Variants in PIGG observed in about 807,000 individuals in gnomAD.
The protein encoded by PIGG is phosphatidylinositol glycan anchor biosynthesis class G (EMM blood group).
A neutral mutation model predicts 83.2 loss-of-function variants in PIGG; 70 were observed. The ratio of observed to expected loss-of-function variants is 0.84; its 90% CI spans 0.69 to 1.03. PIGG has a LOEUF of 1.03. PIGG is among the 50% of genes least tolerant of loss of function. The pLI is 0.00. For missense variants in PIGG, 1,257 were observed against 1,233.6 expected, an observed-to-expected ratio of 1.02 and a Z score of -0.28; for synonymous variants, 532 against 519.5, an observed-to-expected ratio of 1.02 and a Z score of -0.33.
Position 539,479 on chromosome 4 carries a change from C to G in PIGG, c.*110C>G, listed in dbSNP as rs533680425. 6.4e-5 allele frequency: 42 copies of G among 659,346 alleles called. No individual in the cohort carries two copies. In the South Asian group the frequency reaches 7.5e-4, roughly 12 times the overall value. The allele number at this position is 659,346 out of a possible 1,614,324, so 40.8% of individuals were successfully genotyped here. A position where few individuals can be genotyped will look rare whatever the true frequency, so the allele number is the denominator to read the frequency against. ...GGATAACTTTCTTTGACTGCTCTAC[C>G]TGAATTTAGACTAAGCAGTAAATAG... On this transcript the variant is annotated 3_prime_UTR_variant, in exon 13 of 13. Coordinates refer to ENST00000453061, the MANE Select transcript of PIGG (RefSeq NM_001127178.3).
intron 1 of PIGG, chr4:499,854 G>A: frequency 2.3e-6 from 1 of 439,056 alleles, no homozygotes. Flanking sequence ...GCACACAACA[G>A]ATAAGACCCC....
intron 6 of PIGG, among the ~76,000 whole-genome samples, chr4:519,157 C>T (rs1043141328): frequency 6.6e-6 from 1 of 152,212 alleles, no homozygotes. Context: ...CTTTTCCTTC[C>T]TGGGAAACTT....
In PIGG at chr4:509,015, G is replaced by C. The variant is rs377155215; in HGVS notation, c.901+45G>C. On this transcript the variant is annotated intron_variant, in intron 5 of 12. Transcript: ENST00000453061. ...AACAGTTGGAAATTGTATTACATTT[G>C]TTTTCTATAGTCTGGTTTTAATTTT... is the stretch of plus-strand genomic sequence containing the variant. The C allele has an allele frequency of 3.9e-6, 6 of 1,532,628 alleles. No homozygotes were observed. In the African/African-American group the frequency reaches 8.2e-5, roughly 21 times the overall value. 94.9% of individuals were successfully genotyped at this position (1,532,628 alleles called of 1,614,324 possible).
chr4:518,437 CA>C (rs1388881645), intron 6 of PIGG, among the ~76,000 whole-genome samples: 1 of 151,888 alleles, frequency 6.6e-6, no homozygotes, highest in African/African-American at 2.4e-5. Context: ...ACTAAAAATA[CA>C]AAAAATTAGT....
At chr4:500,993 C>T (rs921058848) in intron 2 of PIGG, 6 of 393,934 alleles carry the variant, frequency 1.5e-5, no homozygotes, top group Non-Finnish European at 3.0e-5. Context: ...AAAGCAAACT[C>T]AGATAAGTTA....
intron 5 of PIGG, among the ~76,000 whole-genome samples, chr4:512,038 G>A (rs1359489734): frequency 6.6e-6 from 1 of 152,014 alleles, no homozygotes; most frequent in Non-Finnish European, 1.5e-5. Context: ...TACTCAACTT[G>A]GAGTTCATTG....
At chr4:509,894 C>A (rs1721294687) in intron 5 of PIGG, among the ~76,000 whole-genome samples, 1 of 152,188 alleles carries the variant, frequency 6.6e-6, no homozygotes, top group African/African-American at 2.4e-5. Context: ...TTTGTCATTG[C>A]AGACTTATTG....
chr4:501,509 C>T lies in PIGG; in HGVS notation c.360+908C>T, dbSNP rs527585509. On this transcript the variant is annotated intron_variant, in intron 2 of 12. Transcript: ENST00000453061. ...ATCGCATGTGAGCGTGGCATAAAGT[C>T]TCTGACGGAGCCTTAGCTGTGTTGT... is the stretch of plus-strand genomic sequence containing the variant. 9 of 183,396 alleles carry T rather than the reference C, an allele frequency of 4.9e-5. No homozygotes were observed. In the South Asian group the frequency reaches 7.9e-4, roughly 16 times the overall value. The allele number at this position is 183,396 out of a possible 1,614,324, so 11.4% of individuals were successfully genotyped here.
chr4:539,655 G>A lies in PIGG; in HGVS notation c.*286G>A, dbSNP rs78564001. ...TAAATCAATGAATGAAAAGGTTCTG[G>A]ACTTTGTTAGAGTCCAGGAGCTCTG... On this transcript the variant is annotated 3_prime_UTR_variant, in exon 13 of 13. Transcript: ENST00000453061. 788 of 305,322 alleles carry A rather than the reference G, an allele frequency of 2.6e-3. 9 individuals carry two copies. The highest frequency in any genetic ancestry group is 0.016 in the African/African-American group (749 of 46,002). The allele number at this position is 305,322 out of a possible 1,614,324, so 18.9% of individuals were successfully genotyped here. A position where few individuals can be genotyped will look rare whatever the true frequency, so the allele number is the denominator to read the frequency against.
At chr4:522,130 C>T (rs1726144324) in intron 8 of PIGG, 189 bp downstream of exon 8, 12 of 654,224 alleles carry the variant, frequency 1.8e-5, no homozygotes, top group East Asian at 8.1e-5. Context: ...CTGGGTGTCC[C>T]GACACAGGTG....
intron 5 of PIGG, among the ~76,000 whole-genome samples, 198 bp downstream of exon 5, chr4:509,168 T>G (rs1212444830): frequency 1.3e-5 from 2 of 152,344 alleles, no homozygotes; most frequent in African/African-American, 2.4e-5. Context: ...AATACAGTTA[T>G]TCTTTGTCAG....
chr4:524,359 G>T (rs1384027904), intron 9 of PIGG, among the ~76,000 whole-genome samples: 1 of 152,214 alleles, frequency 6.6e-6, no homozygotes, highest in Non-Finnish European at 1.5e-5. Flanking sequence ...CACATGTAAG[G>T]AAAGAGGTTC....
intron 12 of PIGG, among the ~76,000 whole-genome samples, chr4:534,717 C>T (rs1326291259): frequency 6.6e-6 from 1 of 152,150 alleles, no homozygotes; most frequent in Non-Finnish European, 1.5e-5. Flanking sequence ...CCGGGGGGAC[C>T]CCAGATCAAG....
chr4:521,149 A>G lies in PIGG; in HGVS notation c.1208A>G (p.Asn403Ser), dbSNP rs139826164. 8.7e-6 allele frequency: 14 copies of G among 1,614,004 alleles called. No homozygotes were observed. Among genetic ancestry groups the G allele is most frequent in the African/African-American group, 1.3e-5 (1 of 74,924 alleles). The part of the protein sequence containing the change: ...LEEKHSEVLF[N>S]LGSKVLRQYL... ...GAAAAGCATTCAGAAGTCCTATTCA[A>G]CCTGGGCTCCAAGGTTCTCAGGCAG... The change falls in exon 7 of 13, where the codon AAC (asparagine) becomes AGC (serine). Residue 403 changes from asparagine (N) to serine (S), a missense_variant. By Grantham distance (46) the Asn-to-Ser change is conservative. Coordinates refer to ENST00000453061, the MANE Select transcript of PIGG (RefSeq NM_001127178.3).
intron 12 of PIGG, chr4:537,142 C>T (rs1730862377): frequency 6.6e-6 from 1 of 152,116 alleles, no homozygotes; most frequent in Non-Finnish European, 1.5e-5. Flanking sequence ...TTTAAAGCAT[C>T]AAGTTTTACT....
chr4:538,331 A>C (rs1412769040), intron 12 of PIGG, among the ~76,000 whole-genome samples: 2 of 152,192 alleles, frequency 1.3e-5, no homozygotes, highest in Admixed American at 6.5e-5. Flanking sequence ...TAGGGGGTAC[A>C]TTAACATACT....
intron 11 of PIGG, chr4:532,734 CAGTTCT>C: frequency 6.6e-6 from 1 of 152,398 alleles, no homozygotes; most frequent in Non-Finnish European, 1.5e-5. Flanking sequence ...TGGACATGAA[CAGTTCT>C]GGTTCTGGAG....
chr4:527,887 T>A (rs1341159491), intron 10 of PIGG: 4 of 985,302 alleles, frequency 4.1e-6, no homozygotes, highest in Non-Finnish European at 3.6e-6. Context: ...TGGGTGACCC[T>A]CTATTTAAAT....
In PIGG at chr4:539,161, C is replaced by T; in HGVS notation, c.2744C>T (p.Ala915Val). The change falls in exon 13 of 13, where the codon GCA (alanine) becomes GTA (valine). Residue 915 changes from alanine (A) to valine (V), a missense_variant. Transcript: ENST00000453061. The part of the protein sequence containing the change: ...FLSSETRSGS[A>V]LSHACFCYAL... The stretch of plus-strand genomic sequence containing the variant: ...TTCTTTCTTATTAACAGTGGTTCAG[C>T]ACTGAGTCATGCTTGCTTCTGCTAC... 6.2e-6 allele frequency: 10 copies of T among 1,607,170 alleles called. No individual in the cohort carries two copies. Among genetic ancestry groups the T allele is most frequent in the Non-Finnish European group, 8.5e-6 (10 of 1,174,322 alleles).
Sources: allele counts gnomAD v4.1 joint callset (sites outside exome capture counted in the v4.1 genomes callset), GRCh38; gene constraint gnomAD v4.1.1; transcripts MANE v1.5; gene names NCBI Gene and HGNC (gene_info 2026-07-23, HGNC 2026-07-21).